Variants in ZNF407 observed in about 807,000 individuals in gnomAD.
The protein encoded by ZNF407 is zinc finger protein 407.
Under a neutral mutation model 131.2 loss-of-function variants are expected in ZNF407, and 17 were observed. That is an observed-to-expected ratio of 0.13 (90% confidence interval 0.09 to 0.19). The LOEUF (loss-of-function observed/expected upper bound fraction) is 0.19. Ranked by LOEUF, ZNF407 falls within the 10% of genes least tolerant of loss-of-function variation. The pLI is 1.00. For missense variants in ZNF407, 2,681 were observed against 2,830.6 expected (o/e 0.95, Z 1.20); for synonymous variants, 1,156 against 1,062.0 (o/e 1.09, Z -1.72).
chr18:74,844,120 G>T (rs1970670067), intron 4 of ZNF407, among the ~76,000 whole-genome samples: 1 of 152,122 alleles, frequency 6.6e-6, no homozygotes, highest in African/African-American at 2.4e-5. Flanking sequence ...CTCCAACCTT[G>T]ACTCTACTGC....
chr18:74,746,849 A>G (rs1202860378), intron 3 of ZNF407, among the ~76,000 whole-genome samples: 1 of 152,160 alleles, frequency 6.6e-6, no homozygotes, highest in African/African-American at 2.4e-5. Context: ...AGTATTATAT[A>G]GTAAATTTAT....
At chr18:74,756,814 T>TAACATCTTGTTAAACA (rs764906959) in intron 3 of ZNF407, among the ~76,000 whole-genome samples, 4 of 152,154 alleles carry the variant, frequency 2.6e-5, no homozygotes, top group Non-Finnish European at 5.9e-5. Flanking sequence ...ATTTCTTGTT[T>TAACATCTTGTTAAACA]AGTTGTGCTT....
chr18:74,674,812 C>G (rs1484289326), intron 3 of ZNF407, among the ~76,000 whole-genome samples: 1 of 152,182 alleles, frequency 6.6e-6, no homozygotes, highest in Non-Finnish European at 1.5e-5. Context: ...GGGTGGCTGA[C>G]AGGATTTGGC....
At chr18:75,039,634 G>GT (rs1436156270) in intron 8 of ZNF407, among the ~76,000 whole-genome samples, 2 of 143,134 alleles carry the variant, frequency 1.4e-5, no homozygotes, top group East Asian at 2.2e-4. Context: ...TGTTTTAAAT[G>GT]TTTTTTTAAA....
intron 4 of ZNF407, among the ~76,000 whole-genome samples, chr18:74,808,494 CTT>C (rs1970147085): frequency 6.6e-6 from 1 of 152,094 alleles, no homozygotes; most frequent in Non-Finnish European, 1.5e-5. Flanking sequence ...CTTACTGAGA[CTT>C]TAAAATTTTT....
chr18:74,611,941 A>G (rs1416823530), intron 1 of ZNF407, among the ~76,000 whole-genome samples: 1 of 152,186 alleles, frequency 6.6e-6, no homozygotes, highest in African/African-American at 2.4e-5. Context: ...GACATGTGCA[A>G]GGATGCTCAC....
At chr18:74,968,611 T>C (rs1016468556) in intron 8 of ZNF407, among the ~76,000 whole-genome samples, 3 of 152,216 alleles carry the variant, frequency 2.0e-5, no homozygotes, top group Admixed American at 2.0e-4. Flanking sequence ...GGTGCCTCTT[T>C]CGTCTGATCT....
intron 4 of ZNF407, among the ~76,000 whole-genome samples, chr18:74,803,039 T>TG (rs1184688615): frequency 6.6e-6 from 1 of 152,178 alleles, no homozygotes; most frequent in Non-Finnish European, 1.5e-5. Context: ...CTTTCTTTTT[T>TG]TAAATAATTA....
chr18:75,010,589 G>A (rs1972962840), intron 8 of ZNF407, among the ~76,000 whole-genome samples: 1 of 152,148 alleles, frequency 6.6e-6, no homozygotes. Flanking sequence ...GAAAATTTCA[G>A]TCACATTGGA....
At chr18:74,687,621 CAA>C (rs1967125697) in intron 3 of ZNF407, among the ~76,000 whole-genome samples, 1 of 152,032 alleles carries the variant, frequency 6.6e-6, no homozygotes, top group Admixed American at 6.5e-5. Flanking sequence ...AGGAATTAAA[CAA>C]AGATAATTCA....
intron 7 of ZNF407, among the ~76,000 whole-genome samples, chr18:74,919,446 T>C (rs1971817132): frequency 6.6e-6 from 1 of 152,224 alleles, no homozygotes; most frequent in Non-Finnish European, 1.5e-5. Flanking sequence ...TACCGTTTCC[T>C]GATCTTTTTT....
intron 3 of ZNF407, among the ~76,000 whole-genome samples, chr18:74,645,479 A>T (rs1984928946): frequency 6.6e-6 from 1 of 152,138 alleles, no homozygotes; most frequent in Non-Finnish European, 1.5e-5. Context: ...AATTTACCTA[A>T]TCAGGAGAGA....
Position 74,878,324 on chromosome 18 carries a change from A to G in ZNF407, c.5044+961A>G, listed in dbSNP as rs543829592. Among the ~76,000 whole-genome samples, 8 of 152,222 alleles carry G rather than the reference A, an allele frequency of 5.3e-5. 1 individual carries two copies. Among genetic ancestry groups the G allele is most frequent in the African/African-American group, 1.9e-4 (8 of 41,522 alleles). On this transcript the variant is annotated intron_variant, in intron 5 of 8. Coordinates refer to ENST00000299687, the MANE Select transcript of ZNF407 (RefSeq NM_017757.3). ...AATACATTTTAATCAGCATTCCAAA[A>G]TGTTCTTCTGATTGCCAAGAATTTT...
rs777251153 is a variant in ZNF407, at chr18:74,632,164, T to C, written c.1145T>C (p.Leu382Pro). The change falls in exon 2 of 9, where the codon CTA becomes CCA. Residue 382 changes from leucine to proline, a missense_variant. Physicochemically the swap from Leu to Pro is moderately conservative, Grantham distance 98 (BLOSUM62 -3). Around this residue, in one of 6 missense-constraint regions of ZNF407, gnomAD observed 1,789 missense variants for 1,748.7 expected, o/e 1.02. Coordinates refer to ENST00000299687, the MANE Select transcript of ZNF407 (RefSeq NM_017757.3). Reference sequence around the variant, plus strand: ...AATCCTGAAAACCAGAGTAGAAAGCTAGACACCTTAGTAACCTCAGAGGGT... The same window carrying C: ...AATCCTGAAAACCAGAGTAGAAAGCCAGACACCTTAGTAACCTCAGAGGGT... ...AQNPENQSRKLDTLVTSEGLL... is the reference protein window; with the variant it reads ...AQNPENQSRKPDTLVTSEGLL... 1.2e-6 allele frequency: 2 copies of C among 1,613,996 alleles called. No homozygotes were observed. The highest frequency in any genetic ancestry group is 2.2e-5 in the South Asian group (2 of 91,080).
At chr18:74,639,053 G>C (rs1458629076) in intron 2 of ZNF407, among the ~76,000 whole-genome samples, 1 of 152,172 alleles carries the variant, frequency 6.6e-6, no homozygotes, top group Admixed American at 6.5e-5. Flanking sequence ...TCTGGGTGAA[G>C]CAGTCAACAA....
chr18:74,963,099 G>A lies in ZNF407; in HGVS notation c.5428+42407G>A, dbSNP rs140189199. 4.9e-4 allele frequency among the ~76,000 whole-genome samples: 73 copies of A among 150,456 alleles called. No individual in the cohort carries two copies. The East Asian group carries it at 0.013, about 27-fold the overall frequency. On this transcript the variant is annotated intron_variant, in intron 8 of 8. Transcript: ENST00000299687. ...CCCGGTTTCTTTGTAAAATCCAATC[G>A]CACTTTCTTTAGCTCTAATTTTTCT...
intron 3 of ZNF407, among the ~76,000 whole-genome samples, chr18:74,683,367 T>G (rs571063965): frequency 6.6e-6 from 1 of 152,344 alleles, no homozygotes; most frequent in East Asian, 1.9e-4. Flanking sequence ...AGGATTATTC[T>G]AGAACAACAA....
chr18:74,984,159 G>A (rs1043207598), intron 8 of ZNF407, among the ~76,000 whole-genome samples: 2 of 152,096 alleles, frequency 1.3e-5, no homozygotes, highest in African/African-American at 4.8e-5. Flanking sequence ...ACTAGCTCTC[G>A]GACTAGGGTT....
Position 74,971,841 on chromosome 18 carries a change from T to C in ZNF407, c.5428+51149T>C, listed in dbSNP as rs141225083. ...AATTTACTGTATTAGTTCATTTTCA[T>C]GCTGCTGATAAAGACATACCTGAAA... On this transcript the variant is annotated intron_variant, in intron 8 of 8. Coordinates refer to ENST00000299687, the MANE Select transcript of ZNF407 (RefSeq NM_017757.3). 2.0e-3 allele frequency among the ~76,000 whole-genome samples: 310 copies of C among 152,340 alleles called. 3 individuals are homozygous for C. The highest frequency in any genetic ancestry group is 9.1e-4 in the Non-Finnish European group (62 of 68,040).
Sources: gnomAD v4.1 joint callset for allele counts (sites outside exome capture counted in the v4.1 genomes callset) on GRCh38, gnomAD v4.1.1 for gene constraint, gnomAD v4.1.1 regional missense constraint, MANE v1.5 for transcripts, NCBI Gene and HGNC (gene_info 2026-07-23, HGNC 2026-07-21) for gene names.